The following TMEM114 variants were observed in gnomAD, a reference collection of about 807,000 sequenced individuals.
TMEM114 encodes transmembrane protein 114.
In TMEM114, 6 loss-of-function variants were observed where a neutral mutation model predicts 6.2. The observed-to-expected ratio is 0.97, with a 90% CI of 0.53 to 1.91. TMEM114 has a LOEUF of 1.91. TMEM114 is among the 40% of genes most tolerant of loss of function. The probability of loss-of-function intolerance (pLI) is 0.01; values close to 1 mark genes in which losing one functional copy is unlikely to be tolerated. For synonymous variants in TMEM114, 104 were observed against 73.0 expected (o/e 1.42, Z -2.16); for missense variants, 218 against 158.3 (o/e 1.38, Z -2.02).
intron 2 of TMEM114, among the ~76,000 whole-genome samples, chr16:8,553,411 T>G (rs12444413): frequency 0.093 from 14,212 of 152,178 alleles, 819 homozygotes; most frequent in South Asian, 0.21. Context: ...AATCTTTTTT[T>G]GGGGGGACTG....
intron 2 of TMEM114, among the ~76,000 whole-genome samples, chr16:8,548,008 C>G (rs1018419009): frequency 2.0e-5 from 3 of 152,148 alleles, no homozygotes; most frequent in Admixed American, 6.5e-5. Context: ...GAACAAGACT[C>G]TGGCCAAAAC....
At chr16:8,560,914 G>A (rs1048031094) in intron 2 of TMEM114, among the ~76,000 whole-genome samples, 5 of 152,178 alleles carry the variant, frequency 3.3e-5, no homozygotes, top group East Asian at 1.9e-4. Flanking sequence ...ACAGTTCCAC[G>A]TGGCTGGGGA....
Position 8,561,831 on chromosome 16 carries a change from A to G in TMEM114, n.213-24005T>C, listed in dbSNP as rs539665507. Among the ~76,000 whole-genome samples, 3 of 152,150 alleles carry G rather than the reference A, an allele frequency of 2.0e-5. No individual in the cohort carries two copies. In the South Asian group the frequency reaches 6.2e-4, roughly 32 times the overall value. On this transcript the variant is annotated intron_variant and non_coding_transcript_variant, in intron 2 of 2. Coordinates refer to the TMEM114 transcript ENST00000623677. ...GAGTGAAGGAGGGAGTGAATGAGTG[A>G]GTGAATGAGTGAGTGAATGAATGAG...
intron 2 of TMEM114, among the ~76,000 whole-genome samples, chr16:8,558,651 A>G (rs1017287720): frequency 6.6e-6 from 1 of 152,140 alleles, no homozygotes. Context: ...TTAGGCAAGC[A>G]ACTACAACAC....
downstream of TMEM114, among the ~76,000 whole-genome samples, chr16:8,566,569 C>T (rs12922586): frequency 0.65 from 98,081 of 151,146 alleles, 31,912 homozygotes; most frequent in East Asian, 0.74. Context: ...CAGAACAGAA[C>T]AGAATGGAAC....
intron 2 of TMEM114, among the ~76,000 whole-genome samples, chr16:8,552,911 C>T (rs562344471): frequency 6.6e-6 from 1 of 152,284 alleles, no homozygotes; most frequent in South Asian, 2.1e-4. Context: ...CGTCTTTGAT[C>T]ACTCACTTTA....
chr16:8,539,397 G>A lies in TMEM114; in HGVS notation n.213-1571C>T, dbSNP rs553692272. 7.2e-4 allele frequency among the ~76,000 whole-genome samples: 110 copies of A among 152,256 alleles called. 1 individual carries two copies. The highest frequency in any genetic ancestry group is 1.3e-3 in the Non-Finnish European group (86 of 68,026). On this transcript the variant is annotated intron_variant and non_coding_transcript_variant, in intron 2 of 2. Transcript: ENST00000623677. ...CCCAGAATACTTGCCCCTGGCCCGA[G>A]TGACTGCTCCAGCTCCGCAAAGCCT...
chr16:8,552,111 A>C (rs1211567027), intron 2 of TMEM114, among the ~76,000 whole-genome samples: 1 of 152,002 alleles, frequency 6.6e-6, no homozygotes, highest in East Asian at 1.9e-4. Context: ...ACAGCGGCTC[A>C]CACCTGTAAT....
At chr16:8,579,241 C>T (rs570414778) in intron 2 of TMEM114, among the ~76,000 whole-genome samples, 13 of 152,230 alleles carry the variant, frequency 8.5e-5, no homozygotes, top group South Asian at 2.1e-4. Flanking sequence ...AAGCCCCGAG[C>T]GGTCAATGCT....
At chr16:8,584,328 C>T (rs1296284128) in intron 2 of TMEM114, among the ~76,000 whole-genome samples, 1 of 152,096 alleles carries the variant, frequency 6.6e-6, no homozygotes, top group Non-Finnish European at 1.5e-5. Flanking sequence ...TAGACCATAG[C>T]TCTTTAATCT....
chr16:8,529,256 G>A, the TMEM114 span, among the ~76,000 whole-genome samples: 2 of 152,182 alleles, frequency 1.3e-5, no homozygotes, highest in Non-Finnish European at 2.9e-5. Context: ...GATTATGTGT[G>A]CATCCCTGGA....
downstream of TMEM114, among the ~76,000 whole-genome samples, chr16:8,568,921 C>A (rs1901630445): frequency 6.6e-6 from 1 of 152,250 alleles, no homozygotes; most frequent in Admixed American, 6.5e-5. Flanking sequence ...ACTTAATAAA[C>A]GCCCCACCTC....
At chr16:8,563,493 G>T (rs1901367763) in intron 2 of TMEM114, among the ~76,000 whole-genome samples, 1 of 151,188 alleles carries the variant, frequency 6.6e-6, no homozygotes, top group African/African-American at 2.5e-5. Context: ...AAGTGAATGA[G>T]TGACTGAGGG....
intron 2 of TMEM114, among the ~76,000 whole-genome samples, chr16:8,539,449 C>A (rs986844209): frequency 6.6e-6 from 1 of 152,150 alleles, no homozygotes; most frequent in Admixed American, 6.5e-5. Flanking sequence ...CTCATCAGAC[C>A]CAGAGGAGGG....
At chr16:8,530,885 T>G in the TMEM114 span, among the ~76,000 whole-genome samples, 1 of 151,280 alleles carries the variant, frequency 6.6e-6, no homozygotes, top group African/African-American at 2.4e-5. Flanking sequence ...ATTAGCAGGG[T>G]GTGGTGGCAT....
chr16:8,546,905 G>T (rs1380311271), intron 2 of TMEM114, among the ~76,000 whole-genome samples: 1 of 152,200 alleles, frequency 6.6e-6, no homozygotes, highest in Non-Finnish European at 1.5e-5. Context: ...GCTTTTTCTT[G>T]TTCTTATTTG....
At chr16:8,571,397 C>T (rs1325134722) in intron 3 of TMEM114, among the ~76,000 whole-genome samples, 1 of 152,150 alleles carries the variant, frequency 6.6e-6, no homozygotes. Context: ...TCAAACTATT[C>T]AACACAGGCA....
rs1465142445 is a variant in TMEM114, at chr16:8,562,526, T to TGAGTGAGTGAGTGAATGAGTGAGTCAGTG, written n.213-24701_213-24700insCACTGACTCACTCATTCACTCACTCACTC. Among the ~76,000 whole-genome samples the TGAGTGAGTGAGTGAATGAGTGAGTCAGTG allele has an allele frequency of 2.4e-5, 3 of 127,142 alleles. No homozygotes were observed. The East Asian group carries it at 7.2e-4, about 30-fold the overall frequency. The allele number at this position is 127,142 out of a possible 152,430, so 83.4% of individuals were successfully genotyped here. On this transcript the variant is annotated intron_variant and non_coding_transcript_variant, in intron 2 of 2. Coordinates refer to the TMEM114 transcript ENST00000623677. ...TAAATGAGTGACTGAATGAGTGAGT[T>TGAGTGAGTGAGTGAATGAGTGAGTCAGTG]AATGAGTGAGTGAGTGAATGAGTGA...
chr16:8,569,961 C>A lies in TMEM114; in HGVS notation c.484G>T (p.Ala162Ser), dbSNP rs891382898. 3 of 1,551,002 alleles carry A rather than the reference C, an allele frequency of 1.9e-6. No individual in the cohort carries two copies. The East Asian group carries it at 7.3e-5, about 38-fold the overall frequency. Residue 162 changes from alanine (A) to serine (S), a missense_variant, in exon 4 of 4, where the codon GCC (alanine) becomes TCC (serine). Physicochemically the swap from Ala to Ser is moderately conservative, Grantham distance 99. Transcript: ENST00000620492. Reference protein sequence around the residue: ...AGISVYIAYSAAAFREALCLL... With the variant: ...AGISVYIAYSSAAFREALCLL... ...CACAGCGCCTCCCGGAAGGCGGCGG[C>A]TGAATACGCTATGTAGACGCTGATC...
Sources: gnomAD v4.1 joint callset for allele counts (sites outside exome capture counted in the v4.1 genomes callset) on GRCh38, gnomAD v4.1.1 for gene constraint, MANE v1.5 for transcripts, NCBI Gene and HGNC (gene_info 2026-07-23, HGNC 2026-07-21) for gene names.